Variants in ROCK1 observed in about 807,000 individuals in gnomAD.
The protein encoded by ROCK1 is rho-associated protein kinase 1.
A neutral mutation model predicts 196.8 loss-of-function variants in ROCK1; 36 were observed. That is an observed-to-expected ratio of 0.18 (90% CI 0.14 to 0.24). The LOEUF is 0.24. Ranked by LOEUF, ROCK1 falls within the 10% of genes least tolerant of loss-of-function variation. The pLI is 1.00. For missense variants in ROCK1, 920 were observed against 1,562.0 expected, an observed-to-expected ratio of 0.59 and a Z score of 6.93; for synonymous variants, 443 against 515.9, an observed-to-expected ratio of 0.86 and a Z score of 1.91.
chr18:20,995,108 C>T (rs1409875844), intron 16 of ROCK1, among the ~76,000 whole-genome samples: 1 of 152,130 alleles, frequency 6.6e-6, no homozygotes, highest in Non-Finnish European at 1.5e-5. Context: ...TCCCACCATG[C>T]AGTAGACTGA....
intron 9 of ROCK1, among the ~76,000 whole-genome samples, chr18:21,037,646 C>G (rs1187778707): frequency 6.6e-6 from 1 of 152,078 alleles, no homozygotes; most frequent in African/African-American, 2.4e-5. Context: ...TACCAAAATT[C>G]TTTTAAGTAT....
At chr18:21,040,158 T>C (rs998925692) in intron 8 of ROCK1, among the ~76,000 whole-genome samples, 1 of 152,236 alleles carries the variant, frequency 6.6e-6, no homozygotes, top group Non-Finnish European at 1.5e-5. Context: ...ATTAGCAAAA[T>C]GAATAAAGCA....
rs1598567426 is a variant in ROCK1, at chr18:21,111,221, G to A, written c.-311C>T. 3.9e-6 allele frequency: 2 copies of A among 507,360 alleles called. No homozygotes were observed. Among genetic ancestry groups the A allele is most frequent in the East Asian group, 6.4e-5 (2 of 31,074 alleles). The allele number at this position is 507,360 out of a possible 1,614,324, so 31.4% of individuals were successfully genotyped here. On this transcript the variant is annotated 5_prime_UTR_variant, in exon 1 of 33. Coordinates refer to ENST00000399799, the MANE Select transcript of ROCK1 (RefSeq NM_005406.3). This position sits in a 1 kb window ranked among gnomAD's most constrained non-coding sequence, Gnocchi z 4.2. ...TCCGGCGAGGTGCTTCAGTCTAGCGGGCCCCGGCCGCCGTCGCCATGGAGG... is the reference window on the plus strand; with the variant it reads ...TCCGGCGAGGTGCTTCAGTCTAGCGAGCCCCGGCCGCCGTCGCCATGGAGG...
chr18:21,079,384 C>T (rs1033341924), intron 1 of ROCK1, among the ~76,000 whole-genome samples: 2 of 152,214 alleles, frequency 1.3e-5, no homozygotes, highest in African/African-American at 4.8e-5. Context: ...AGCAACATAA[C>T]ATCCCTCCAC....
intron 32 of ROCK1, among the ~76,000 whole-genome samples, chr18:20,951,981 C>T (rs2035192163): frequency 6.6e-6 from 1 of 152,126 alleles, no homozygotes; most frequent in Admixed American, 6.5e-5. Context: ...AAATGGTTTC[C>T]AATCCATTGG....
intron 21 of ROCK1, among the ~76,000 whole-genome samples, chr18:20,981,092 G>A (rs1306416716): frequency 6.6e-6 from 1 of 150,804 alleles, no homozygotes; most frequent in African/African-American, 2.4e-5. Flanking sequence ...TGAGAGACAG[G>A]TAAAGAAATA....
At chr18:21,042,819 AT>A in intron 6 of ROCK1, 110 bp from the exon 7 acceptor site, 1 of 1,055,968 alleles carries the variant, frequency 9.5e-7, no homozygotes, top group Non-Finnish European at 1.3e-6. Flanking sequence ...GAGCTATAAA[AT>A]ATCATATATT....
intron 1 of ROCK1, among the ~76,000 whole-genome samples, chr18:21,090,968 A>G (rs1163239431): frequency 6.6e-6 from 1 of 152,188 alleles, no homozygotes; most frequent in Non-Finnish European, 1.5e-5. Flanking sequence ...AACCTTTTTA[A>G]TCTGTGAAAA....
At chr18:20,977,202 A>T (rs928565190) in intron 22 of ROCK1, among the ~76,000 whole-genome samples, 1 of 152,206 alleles carries the variant, frequency 6.6e-6, no homozygotes. Context: ...TTTATTGAAT[A>T]CTTATTCTCT....
At chr18:21,098,714 G>A (rs1198763955) in intron 1 of ROCK1, among the ~76,000 whole-genome samples, 4 of 149,806 alleles carry the variant, frequency 2.7e-5, no homozygotes, top group African/African-American at 9.8e-5. Flanking sequence ...TAAAAACTGA[G>A]AAGAAAAACA....
chr18:21,099,879 T>C (rs1225700634), intron 1 of ROCK1, among the ~76,000 whole-genome samples: 1 of 151,888 alleles, frequency 6.6e-6, no homozygotes, highest in East Asian at 1.9e-4. Flanking sequence ...CTACTAAAGA[T>C]ACAAAAATTA....
chr18:21,028,665 A>G, intron 10 of ROCK1, 111 bp downstream of exon 10: 1 of 881,834 alleles, frequency 1.1e-6, no homozygotes, highest in South Asian at 2.1e-5. Flanking sequence ...GAAAAATTGC[A>G]TAATAAGGTG....
At chr18:21,008,266 C>A in intron 13 of ROCK1, 72 bp from the exon 14 acceptor site, 5 of 1,101,478 alleles carry the variant, frequency 4.5e-6, no homozygotes, top group Non-Finnish European at 6.2e-6. Flanking sequence ...GTATTTTGTT[C>A]TTAAAAACAA....
At chr18:20,990,908 G>A (rs2035619264) in intron 18 of ROCK1, among the ~76,000 whole-genome samples, 1 of 151,564 alleles carries the variant, frequency 6.6e-6, no homozygotes, top group Non-Finnish European at 1.5e-5. Flanking sequence ...TTACAGGCGT[G>A]CGACACACAC....
intron 1 of ROCK1, among the ~76,000 whole-genome samples, chr18:21,101,108 A>T (rs150963711): frequency 6.6e-6 from 1 of 152,354 alleles, no homozygotes; most frequent in South Asian, 2.1e-4. Flanking sequence ...TTCATCCTGT[A>T]TTTCATGAAT....
At position 20,960,209 on chromosome 18, in the gene ROCK1, A is replaced by G. The variant is rs2035313655; in HGVS notation, c.3353-3T>C. 1 of 1,541,212 alleles carries G rather than the reference A, an allele frequency of 6.5e-7. No homozygotes were observed. Among genetic ancestry groups the G allele is most frequent in the African/African-American group, 1.4e-5 (1 of 73,518 alleles). ...AAGCCAACCTTCAATTCTTGACTCT[A>G]GGAGAAAAAGAATATATGTATTAGT... On this transcript the variant is annotated splice_region_variant and splice_polypyrimidine_tract_variant and intron_variant, in intron 27 of 32. Coordinates refer to ENST00000399799, the MANE Select transcript of ROCK1 (RefSeq NM_005406.3).
intron 1 of ROCK1, among the ~76,000 whole-genome samples, chr18:21,088,469 C>T (rs1461708074): frequency 6.6e-6 from 1 of 152,136 alleles, no homozygotes; most frequent in Non-Finnish European, 1.5e-5. Flanking sequence ...CACTGCACTC[C>T]AGTCTGGGTG....
chr18:21,035,946 A>G (rs1390508551), intron 9 of ROCK1, among the ~76,000 whole-genome samples: 2 of 152,228 alleles, frequency 1.3e-5, no homozygotes, highest in South Asian at 2.1e-4. Flanking sequence ...AGTTTAGTTT[A>G]GGATGACGAA....
At position 21,015,979 on chromosome 18, in the gene ROCK1, C is replaced by CAAA. The variant is rs561684521; in HGVS notation, c.1362-503_1362-501dup. Among the ~76,000 whole-genome samples, 987 of 127,142 alleles carry CAAA rather than the reference C, an allele frequency of 7.8e-3. 8 individuals are homozygous for CAAA. The highest frequency in any genetic ancestry group is 0.066 in the Middle Eastern group (16 of 244). The allele number at this position is 127,142 out of a possible 152,430, so 83.4% of individuals were successfully genotyped here. A position where few individuals can be genotyped will look rare whatever the true frequency, so the allele number is the denominator to read the frequency against. ...TGGGTGATACAGTGAGACTCCATCT[C>CAAA]AAAAAAAAAAAAGAAGCCAATTATA... On this transcript the variant is annotated intron_variant, in intron 12 of 32. Coordinates refer to ENST00000399799, the MANE Select transcript of ROCK1 (RefSeq NM_005406.3).
Sources: allele counts gnomAD v4.1 joint callset (sites outside exome capture counted in the v4.1 genomes callset), GRCh38; gene constraint gnomAD v4.1.1; non-coding constraint Gnocchi (gnomAD v3.1); transcripts MANE v1.5; gene names NCBI Gene and HGNC (gene_info 2026-07-23, HGNC 2026-07-21).